Variants in SPAG1 observed in about 807,000 individuals in gnomAD.
The protein encoded by SPAG1 is sperm associated antigen 1, also known as sperm-associated antigen 1.
Under a neutral mutation model 100.5 loss-of-function variants are expected in SPAG1, and 69 were observed. The ratio of observed to expected loss-of-function variants is 0.69; its 90% CI spans 0.57 to 0.84. The LOEUF (loss-of-function observed/expected upper bound fraction) is 0.84, where lower values mean the gene tolerates loss of function less well. Among genes scored for constraint, SPAG1 ranks in the 40% least tolerant of loss-of-function variants. SPAG1 has a pLI of 0.00. For missense variants in SPAG1, 955 were observed against 1,133.1 expected, an observed-to-expected ratio of 0.84 and a Z score of 2.26; for synonymous variants, 336 against 411.6, an observed-to-expected ratio of 0.82 and a Z score of 2.22.
At chr8:100,174,631 T>G (rs76403470) in intron 3 of SPAG1, among the ~76,000 whole-genome samples, 3,622 of 152,334 alleles carry the variant, frequency 0.024, 93 homozygotes, top group East Asian at 0.042. Flanking sequence ...GTAGATGTTG[T>G]GAAAGAAGTC....
intron 1 of SPAG1, among the ~76,000 whole-genome samples, chr8:100,161,629 C>T (rs1216333454): frequency 6.6e-6 from 1 of 152,048 alleles, no homozygotes. Flanking sequence ...AAGAAACTCC[C>T]CAGACCTCCA....
intron 4 of SPAG1, 139 bp from the exon 5 acceptor site, chr8:100,183,236 G>C (rs1329742258): frequency 8.6e-6 from 4 of 467,352 alleles, no homozygotes; most frequent in Non-Finnish European, 1.6e-5. Flanking sequence ...GCCTCCCAAA[G>C]TGCTGGGATT....
At chr8:100,178,298 G>A (rs573067882) in intron 4 of SPAG1, among the ~76,000 whole-genome samples, 17 of 151,920 alleles carry the variant, frequency 1.1e-4, no homozygotes, top group Middle Eastern at 3.4e-3. Context: ...TATATATCTA[G>A]TAGGGCTACA....
chr8:100,226,158 G>A (rs1818504565), intron 14 of SPAG1, among the ~76,000 whole-genome samples: 3 of 151,898 alleles, frequency 2.0e-5, no homozygotes, highest in Non-Finnish European at 2.9e-5. Flanking sequence ...CACCACGCAC[G>A]GCTAATTTTT....
chr8:100,240,075 A>G (rs1390096804), intron 17 of SPAG1, among the ~76,000 whole-genome samples: 1 of 152,192 alleles, frequency 6.6e-6, no homozygotes, highest in Non-Finnish European at 1.5e-5. Flanking sequence ...AGGAGAATCG[A>G]GCAATGTAAG....
chr8:100,240,637 A>T lies in SPAG1; in HGVS notation c.2515A>T (p.Met839Leu), dbSNP rs142674953. Residue 839 changes from methionine to leucine, a missense_variant, in exon 18 of 19, where the codon ATG (methionine) becomes TTG (leucine). Physicochemically the swap from Met to Leu is conservative, Grantham distance 15. Transcript: ENST00000388798. ...LAITAPKDLP[M>L]FLSNKLEGDT... ...CATCACTGCACCAAAAGATTTGCCG[A>T]TGTTTTTAAGTAACAAACTTGAAGG... 4.1e-4 allele frequency: 657 copies of T among 1,614,066 alleles called. No individual in the cohort carries two copies. The highest frequency in any genetic ancestry group is 5.1e-4 in the Non-Finnish European group (604 of 1,180,030).
chr8:100,160,364 C>T (rs1479668825), intron 1 of SPAG1, among the ~76,000 whole-genome samples: 3 of 152,138 alleles, frequency 2.0e-5, no homozygotes, highest in Admixed American at 6.5e-5. Context: ...CGGTGGCTCA[C>T]GCCTGTGATC....
At chr8:100,202,284 G>A (rs913343352) in intron 10 of SPAG1, among the ~76,000 whole-genome samples, 1 of 151,222 alleles carries the variant, frequency 6.6e-6, no homozygotes, top group African/African-American at 2.4e-5. Flanking sequence ...TTTGTTTTCT[G>A]TTTTGTTTTT....
intron 10 of SPAG1, among the ~76,000 whole-genome samples, chr8:100,194,892 C>T (rs541295123): frequency 1.3e-5 from 2 of 152,224 alleles, no homozygotes; most frequent in African/African-American, 2.4e-5. Context: ...GTCAGCTGGG[C>T]GCGGTGGCTC....
Position 100,185,873 on chromosome 8 carries a change from A to T in SPAG1, c.701+1140A>T, listed in dbSNP as rs1816563351. Reference sequence around the variant, plus strand: ...TCAGTACAGCCTCCCCTGTTCAGGCAGGTGGATGTCAGCCTTGATAACTGT... The same window carrying T: ...TCAGTACAGCCTCCCCTGTTCAGGCTGGTGGATGTCAGCCTTGATAACTGT... On this transcript the variant is annotated intron_variant, in intron 7 of 18. Transcript: ENST00000388798. Among the ~76,000 whole-genome samples, 3 of 152,310 alleles carry T rather than the reference A, an allele frequency of 2.0e-5. No individual in the cohort carries two copies. The South Asian group carries it at 6.2e-4, about 32-fold the overall frequency.
intron 3 of SPAG1, among the ~76,000 whole-genome samples, chr8:100,172,680 A>G (rs370451156): frequency 8.2e-5 from 12 of 145,966 alleles, no homozygotes; most frequent in Admixed American, 6.8e-4. Flanking sequence ...GTGTGTGTGT[A>G]TGTATGTGTA....
At chr8:100,235,092 T>C (rs1692004) in intron 16 of SPAG1, among the ~76,000 whole-genome samples, 102,450 of 151,918 alleles carry the variant, frequency 0.67, 35,167 homozygotes, top group African/African-American at 0.81. Context: ...ATTCTGGAGG[T>C]GGGAAGTCTC....
chr8:100,213,270 C>A lies in SPAG1; in HGVS notation c.1277C>A (p.Ala426Glu). 8.3e-7 allele frequency: 1 copy of A among 1,210,956 alleles called. No individual in the cohort carries two copies. The highest frequency in any genetic ancestry group is 4.1e-5 in the South Asian group (1 of 24,376). 75.0% of individuals were successfully genotyped at this position (1,210,956 alleles called of 1,614,324 possible). Reference protein sequence around the residue: ...KRSPRRASAAAAAGGGATGHP... With the variant: ...KRSPRRASAAEAAGGGATGHP... ...AGCCCACGGCGGGCCTCTGCGGCGG[C>A]GGCGGCGGGCGGCGGCGCCACCGGG... Residue 426 changes from alanine to glutamate, a missense_variant, in exon 11 of 19, where the codon GCG becomes GAG. By Grantham distance (107) the Ala-to-Glu change is moderately radical. Transcript: ENST00000388798.
At chr8:100,178,752 G>A (rs1040006435) in intron 4 of SPAG1, among the ~76,000 whole-genome samples, 11 of 152,190 alleles carry the variant, frequency 7.2e-5, no homozygotes, top group Admixed American at 5.9e-4. Flanking sequence ...TAATGGAGGT[G>A]TACAGTAATC....
At chr8:100,178,303 G>T (rs1438621247) in intron 4 of SPAG1, among the ~76,000 whole-genome samples, 1 of 151,532 alleles carries the variant, frequency 6.6e-6, no homozygotes, top group Admixed American at 6.6e-5. Flanking sequence ...ATCTAGTAGG[G>T]CTACAGAGGA....
intron 7 of SPAG1, among the ~76,000 whole-genome samples, chr8:100,185,473 C>G (rs1168088219): frequency 6.6e-6 from 1 of 152,128 alleles, no homozygotes; most frequent in African/African-American, 2.4e-5. Flanking sequence ...ATAATTTAAG[C>G]TTGTGTGATT....
Position 100,216,933 on chromosome 8 carries a change from T to C in SPAG1, c.1535+3015T>C, listed in dbSNP as rs1474762401. On this transcript the variant is annotated intron_variant, in intron 12 of 18. Transcript: ENST00000388798. Reference sequence around the variant, plus strand: ...CTCTTTGGAGAGTTCCATGAGTTCTTTTTTTTTTTTTTTTTTTTTTTGAGA... The same window carrying C: ...CTCTTTGGAGAGTTCCATGAGTTCTCTTTTTTTTTTTTTTTTTTTTTGAGA... Among the ~76,000 whole-genome samples, 3 of 23,016 alleles carry C rather than the reference T, an allele frequency of 1.3e-4. No homozygotes were observed. In the East Asian group the frequency reaches 5.0e-3, roughly 38 times the overall value. 15.1% of individuals were successfully genotyped at this position (23,016 alleles called of 152,430 possible).
chr8:100,161,292 C>T (rs767087671), intron 1 of SPAG1, among the ~76,000 whole-genome samples: 7 of 152,030 alleles, frequency 4.6e-5, no homozygotes, highest in African/African-American at 1.7e-4. Context: ...CAGTGACCCA[C>T]GATTGCACCA....
At chr8:100,162,153 A>G (rs1815336271) in intron 1 of SPAG1, 126 bp from the exon 2 acceptor site, 1 of 692,610 alleles carries the variant, frequency 1.4e-6, no homozygotes, top group Non-Finnish European at 2.4e-6. Flanking sequence ...ACATAGGGAG[A>G]CTCTGTCTCT....
Sources: allele counts gnomAD v4.1 joint callset (sites outside exome capture counted in the v4.1 genomes callset), GRCh38; gene constraint gnomAD v4.1.1; transcripts MANE v1.5; gene names NCBI Gene and HGNC (gene_info 2026-07-23, HGNC 2026-07-21).